MED24: variants seen among roughly 807,000 people sequenced by gnomAD.
MED24 encodes mediator of RNA polymerase II transcription subunit 24.
MED24 carries 74 observed loss-of-function variants against 118.8 expected under a neutral mutation model. That is an observed-to-expected ratio of 0.62 (90% confidence interval 0.52 to 0.76). MED24 has a LOEUF of 0.76. MED24 is among the 30% of genes least tolerant of loss of function. The pLI is 0.00. For missense variants in MED24, 1,041 were observed against 1,278.9 expected, an observed-to-expected ratio of 0.81 and a Z score of 2.84; for synonymous variants, 521 against 523.9, an observed-to-expected ratio of 0.99 and a Z score of 0.08.
At chr17:40,051,386 C>A (rs1288509636) in intron 3 of MED24, among the ~76,000 whole-genome samples, 1 of 150,378 alleles carries the variant, frequency 6.6e-6, no homozygotes, top group African/African-American at 2.5e-5. Flanking sequence ...GAGGCCGAGG[C>A]GGAAGGATCA....
At chr17:40,027,165 C>G in intron 16 of MED24, 131 bp from the exon 17 acceptor site, 1 of 1,249,416 alleles carries the variant, frequency 8.0e-7, no homozygotes, top group Non-Finnish European at 1.1e-6. Context: ...ACGAACTGGT[C>G]TAAGGGAGCC....
chr17:40,039,096 C>T (rs531390862), intron 3 of MED24, among the ~76,000 whole-genome samples: 2 of 152,324 alleles, frequency 1.3e-5, no homozygotes, highest in Non-Finnish European at 2.9e-5. Context: ...AACACTGACC[C>T]TCAAATGCCG....
chr17:40,040,520 T>C (rs912963713), intron 3 of MED24, among the ~76,000 whole-genome samples: 1 of 152,090 alleles, frequency 6.6e-6, no homozygotes, highest in Non-Finnish European at 1.5e-5. Flanking sequence ...TAGATTCTTC[T>C]ATTTTTAAAA....
chr17:40,048,611 T>C (rs943952150), intron 3 of MED24, among the ~76,000 whole-genome samples: 3 of 152,156 alleles, frequency 2.0e-5, no homozygotes, highest in African/African-American at 7.2e-5. Context: ...TGGAGTTCAG[T>C]GGCATGATGT....
At position 40,026,628 on chromosome 17, in the gene MED24, G is replaced by C. The variant is rs376702531; in HGVS notation, c.1809+19C>G. Reference sequence around the variant, plus strand: ...TCTGTGTCTCAGGGGAGCAAACGCTGCTGGGAAGGCGGGGCTACCTGGATG... The same window carrying C: ...TCTGTGTCTCAGGGGAGCAAACGCTCCTGGGAAGGCGGGGCTACCTGGATG... On this transcript the variant is annotated intron_variant, in intron 18 of 25. Coordinates refer to ENST00000394128, the MANE Select transcript of MED24 (RefSeq NM_014815.4). The C allele has an allele frequency of 5.7e-6, 9 of 1,589,118 alleles. No individual in the cohort carries two copies. The highest frequency in any genetic ancestry group is 7.7e-6 in the Non-Finnish European group (9 of 1,166,354).
chr17:40,043,724 T>C (rs976898178), intron 3 of MED24, among the ~76,000 whole-genome samples: 1 of 151,390 alleles, frequency 6.6e-6, no homozygotes, highest in Admixed American at 6.6e-5. Context: ...ACCCCATCTC[T>C]ACTAAAAATA....
At chr17:40,029,920 T>C in intron 12 of MED24, 61 bp from the exon 13 acceptor site, 1 of 1,456,782 alleles carries the variant, frequency 6.9e-7, no homozygotes, top group South Asian at 1.1e-5. Flanking sequence ...TCTTGACACG[T>C]TCCCTCGTTC....
chr17:40,047,989 C>T (rs1027649121), intron 3 of MED24, among the ~76,000 whole-genome samples: 3 of 152,256 alleles, frequency 2.0e-5, no homozygotes, highest in African/African-American at 7.2e-5. Flanking sequence ...CTCGGCCTCC[C>T]AAAGTGCTGG....
At chr17:40,020,213 A>G in intron 24 of MED24, 60 bp downstream of exon 24, 5 of 1,422,710 alleles carry the variant, frequency 3.5e-6, no homozygotes, top group South Asian at 1.4e-5. Flanking sequence ...CCCAGCCTCC[A>G]TGAGAAGAGA....
chr17:40,036,102 G>A lies in MED24; in HGVS notation c.252+14C>T. The A allele has an allele frequency of 6.2e-7, 1 of 1,608,728 alleles. No homozygotes were observed. Among genetic ancestry groups the A allele is most frequent in the Non-Finnish European group, 8.5e-7 (1 of 1,174,992 alleles). ...GTCATCCCCAATCTAGCTCCTGAGTGTCTATGGTCATACCTTACTGATGGC... is the reference window on the plus strand; with the variant it reads ...GTCATCCCCAATCTAGCTCCTGAGTATCTATGGTCATACCTTACTGATGGC... On this transcript the variant is annotated intron_variant, in intron 4 of 25. Transcript: ENST00000394128.
chr17:40,049,982 T>G (rs1383505249), intron 3 of MED24, among the ~76,000 whole-genome samples: 1 of 148,988 alleles, frequency 6.7e-6, no homozygotes, highest in African/African-American at 2.5e-5. Context: ...AAACCCTGTC[T>G]CTACTAAAAA....
chr17:40,051,136 C>CAA (rs1224890104), intron 3 of MED24, among the ~76,000 whole-genome samples: 23,924 of 81,450 alleles, frequency 0.29, 3,445 homozygotes, highest in East Asian at 0.4. Context: ...GACTCTGTCT[C>CAA]AAAAAAAAAA....
Position 40,027,169 on chromosome 17 carries a change from G to C in MED24, c.1531-135C>G, listed in dbSNP as rs1360495193. The C allele has an allele frequency of 7.4e-5, 92 of 1,241,498 alleles. 1 individual carries two copies. In the East Asian group the frequency reaches 2.3e-3, roughly 31 times the overall value. The allele number at this position is 1,241,498 out of a possible 1,614,324, so 76.9% of individuals were successfully genotyped here. On this transcript the variant is annotated intron_variant, in intron 16 of 25. Transcript: ENST00000394128. ...AAAGACTGGGGACGAACTGGTCTAA[G>C]GGAGCCAGACGGGGGCAATGCTGCC...
At chr17:40,037,290 T>C (rs1480025493) in intron 3 of MED24, among the ~76,000 whole-genome samples, 1 of 151,892 alleles carries the variant, frequency 6.6e-6, no homozygotes, top group Non-Finnish European at 1.5e-5. Flanking sequence ...TTATTTGTTC[T>C]CCAGAACTTA....
At chr17:40,023,443 G>A in intron 19 of MED24, 48 bp from the exon 20 acceptor site, 1 of 1,519,182 alleles carries the variant, frequency 6.6e-7, no homozygotes, top group Non-Finnish European at 8.9e-7. Flanking sequence ...ACTGTAGGGT[G>A]GGGAGGGAGA....
intron 23 of MED24, among the ~76,000 whole-genome samples, chr17:40,021,585 G>A (rs1229942393): frequency 6.6e-6 from 1 of 152,258 alleles, no homozygotes; most frequent in African/African-American, 2.4e-5. Context: ...TTGGGGGAAG[G>A]AAGGAAGGAA....
At chr17:40,022,935 C>T in intron 20 of MED24, 109 bp from the exon 21 acceptor site, 1 of 1,394,920 alleles carries the variant, frequency 7.2e-7, no homozygotes, top group East Asian at 2.4e-5. Flanking sequence ...GAGGGGGCCC[C>T]AGATGTTGCT....
chr17:40,026,401 C>T, intron 18 of MED24, 70 bp from the exon 19 acceptor site: 1 of 1,565,088 alleles, frequency 6.4e-7, no homozygotes, highest in Non-Finnish European at 8.7e-7. Context: ...CCTTCTCAGC[C>T]TCTGCGGGCA....
At chr17:40,036,787 G>A (rs1357577819) in intron 3 of MED24, among the ~76,000 whole-genome samples, 1 of 151,920 alleles carries the variant, frequency 6.6e-6, no homozygotes, top group African/African-American at 2.4e-5. Flanking sequence ...GTGAAGCCAT[G>A]TCACTGTATT....
Sources: allele counts gnomAD v4.1 joint callset (sites outside exome capture counted in the v4.1 genomes callset), GRCh38; gene constraint gnomAD v4.1.1; transcripts MANE v1.5; gene names NCBI Gene and HGNC (gene_info 2026-07-23, HGNC 2026-07-21).